SMN1: variants seen among roughly 807,000 people sequenced by gnomAD.
SMN1 encodes survival of motor neuron 1, telomeric.
For missense variants in SMN1, 15 were observed against 17.1 expected (o/e 0.88, Z 0.22); for synonymous variants, 3 against 5.1 (o/e 0.58, Z 0.56).
At chr5:70,958,994 T>C in the SMN1 span, among the ~76,000 whole-genome samples, 1 of 150,440 alleles carries the variant, frequency 6.6e-6, no homozygotes, top group African/African-American at 2.4e-5. Flanking sequence ...TAGCAAAGAC[T>C]TGGAACGAAC....
At chr5:70,960,003 A>G in the SMN1 span, among the ~76,000 whole-genome samples, 1 of 139,902 alleles carries the variant, frequency 7.1e-6, no homozygotes, top group Non-Finnish European at 1.6e-5. Flanking sequence ...ATTAATCTAT[A>G]TTTATACCAA....
intron 7 of SMN1, among the ~76,000 whole-genome samples, chr5:70,950,401 G>A (rs1749658467): frequency 6.8e-6 from 1 of 147,926 alleles, no homozygotes; most frequent in African/African-American, 2.5e-5. Flanking sequence ...TGGGCAACAA[G>A]AGCGAAACTC....
chr5:70,927,669 G>C (rs1196095857), intron 1 of SMN1, among the ~76,000 whole-genome samples: 1 of 20,720 alleles, frequency 4.8e-5, no homozygotes, highest in African/African-American at 2.8e-4. Context: ...AGTTTAAAAA[G>C]TGGGAGGATC....
chr5:70,959,445 T>A, the SMN1 span, among the ~76,000 whole-genome samples: 10 of 128,862 alleles, frequency 7.8e-5, 1 homozygote, highest in South Asian at 2.5e-3. Flanking sequence ...ATTAAAAATT[T>A]AAAAAAAAGC....
At position 70,951,874 on chromosome 5, in the gene SMN1, G is replaced by A. The variant is rs1163277221; in HGVS notation, c.835-67G>A. 34 of 1,362,774 alleles carry A rather than the reference G, an allele frequency of 2.5e-5. 1 individual carries two copies. Among genetic ancestry groups the A allele is most frequent in the South Asian group, 1.1e-4 (9 of 81,804 alleles). The allele number at this position is 1,362,774 out of a possible 1,614,324, so 84.4% of individuals were successfully genotyped here. On this transcript the variant is annotated intron_variant, in intron 7 of 8. Coordinates refer to ENST00000380707, the MANE Select transcript of SMN1 (RefSeq NM_000344.4). Reference sequence around the variant, plus strand: ...AAATGCTTTTTAACATCCATATAAAGCTATCTATATATAGCTATCTATGTC... The same window carrying A: ...AAATGCTTTTTAACATCCATATAAAACTATCTATATATAGCTATCTATGTC...
chr5:70,935,494 TG>T (rs1305988827), intron 1 of SMN1, among the ~76,000 whole-genome samples: 1 of 131,472 alleles, frequency 7.6e-6, no homozygotes, highest in African/African-American at 2.9e-5. Flanking sequence ...GGCTCATGCC[TG>T]TAATCCCAGC....
the SMN1 span, among the ~76,000 whole-genome samples, chr5:70,960,798 C>G: frequency 1.0e-4 from 15 of 148,894 alleles, no homozygotes; most frequent in Non-Finnish European, 9.0e-5. Flanking sequence ...CGGGTTCAAA[C>G]GATTCTCCTG....
At chr5:70,954,883 AAAAAAAAAAAAAAAAAAAAC>A (rs1749859810), downstream of SMN1, among the ~76,000 whole-genome samples, 5 of 8,988 alleles carry the variant, frequency 5.6e-4, 2 homozygotes, top group Non-Finnish European at 6.6e-4. Context: ...AAAAAAAAAA[AAAAAAAAAAAAAAAAAAAAC>A]AAAACACGTT....
chr5:70,958,962 T>G, the SMN1 span, among the ~76,000 whole-genome samples: 4 of 150,198 alleles, frequency 2.7e-5, no homozygotes, highest in Non-Finnish European at 5.9e-5. Context: ...CACACGTATG[T>G]TTATTGCGGC....
At chr5:70,959,252 G>T in the SMN1 span, among the ~76,000 whole-genome samples, 1 of 148,772 alleles carries the variant, frequency 6.7e-6, no homozygotes, top group Admixed American at 6.8e-5. Context: ...TCTGGGGACT[G>T]TTGTGGGGTG....
chr5:70,956,203 G>A (rs212205), downstream of SMN1, among the ~76,000 whole-genome samples: 4 of 149,504 alleles, frequency 2.7e-5, no homozygotes, highest in African/African-American at 7.4e-5. Flanking sequence ...GTTTGAGTTC[G>A]TTGTAGATTC....
chr5:70,956,669 G>A (rs1259337994), downstream of SMN1, among the ~76,000 whole-genome samples: 2 of 150,150 alleles, frequency 1.3e-5, no homozygotes, highest in African/African-American at 2.4e-5. Context: ...TGTTCCATTG[G>A]TCTATATCTC....
At chr5:70,963,843 CAGA>C in the SMN1 span, among the ~76,000 whole-genome samples, 1 of 106,224 alleles carries the variant, frequency 9.4e-6, no homozygotes. Flanking sequence ...TTACAGGGCT[CAGA>C]AGAAGACAGG....
intron 7 of SMN1, 34 bp from the exon 8 acceptor site, chr5:70,951,907 C>T (rs1749766674): frequency 1.3e-6 from 2 of 1,596,252 alleles, no homozygotes; most frequent in Non-Finnish European, 8.6e-7. Flanking sequence ...GTCTATATAG[C>T]TATTTTTTTT....
downstream of SMN1, among the ~76,000 whole-genome samples, chr5:70,955,019 A>G (rs1424386019): frequency 5.2e-5 from 7 of 135,504 alleles, no homozygotes; most frequent in African/African-American, 1.9e-4. Flanking sequence ...CAAGACCAGC[A>G]TAAGCAACAA....
intron 7 of SMN1, among the ~76,000 whole-genome samples, chr5:70,950,970 C>G (rs559605094): frequency 2.0e-5 from 3 of 152,010 alleles, no homozygotes; most frequent in African/African-American, 7.2e-5. Flanking sequence ...GTCGGGGTTT[C>G]TCCATGTTGG....
At chr5:70,935,719 C>T (rs1749408340) in intron 1 of SMN1, among the ~76,000 whole-genome samples, 2 of 152,350 alleles carry the variant, frequency 1.3e-5, no homozygotes, top group South Asian at 2.1e-4. Context: ...TGCCACTGCA[C>T]TCCAGCCTGG....
At chr5:70,954,848 G>A (rs542859628), downstream of SMN1, among the ~76,000 whole-genome samples, 1 of 12,782 alleles carries the variant, frequency 7.8e-5, no homozygotes, top group African/African-American at 1.8e-4. Flanking sequence ...GCGAGACTCC[G>A]TCTCAAAAAA....
chr5:70,950,159 G>A (rs1278162054), intron 7 of SMN1, among the ~76,000 whole-genome samples: 5 of 148,160 alleles, frequency 3.4e-5, no homozygotes, highest in African/African-American at 1.3e-4. Context: ...GGCTCACGCC[G>A]GTAATCCCAA....
Sources: gnomAD v4.1 joint callset for allele counts (sites outside exome capture counted in the v4.1 genomes callset) on GRCh38, gnomAD v4.1.1 for gene constraint, MANE v1.5 for transcripts, NCBI Gene and HGNC (gene_info 2026-07-23, HGNC 2026-07-21) for gene names.